COG5: variants seen among roughly 807,000 people sequenced by gnomAD.
The protein encoded by COG5 is conserved oligomeric Golgi complex subunit 5.
A neutral mutation model predicts 110.4 loss-of-function variants in COG5; 86 were observed. That is an observed-to-expected ratio of 0.78 (90% CI 0.65 to 0.93). The LOEUF (loss-of-function observed/expected upper bound fraction) is 0.93. Ranked by LOEUF, COG5 falls within the 40% of genes least tolerant of loss-of-function variation. COG5 has a pLI of 0.00. For missense variants in COG5, 1,077 were observed against 987.0 expected (o/e 1.09, Z -1.22); for synonymous variants, 360 against 334.6 (o/e 1.08, Z -0.83).
intron 19 of COG5, among the ~76,000 whole-genome samples, chr7:107,220,159 G>A (rs576605746): frequency 1.3e-5 from 2 of 152,258 alleles, no homozygotes; most frequent in Admixed American, 6.5e-5. Flanking sequence ...CCTATTTCTA[G>A]AACAGCTATG....
chr7:107,434,725 C>G (rs1184775803), intron 6 of COG5, among the ~76,000 whole-genome samples: 1 of 152,124 alleles, frequency 6.6e-6, no homozygotes, highest in Non-Finnish European at 1.5e-5. Context: ...AATCCCAGCA[C>G]TTTGGGAGGC....
intron 15 of COG5, among the ~76,000 whole-genome samples, 172 bp downstream of exon 15, chr7:107,258,101 G>A (rs1372243512): frequency 1.3e-5 from 2 of 152,082 alleles, no homozygotes; most frequent in African/African-American, 4.8e-5. Flanking sequence ...TACAAACAAC[G>A]AAGGCCAGAG....
chr7:107,543,570 C>G (rs1802206592), intron 5 of COG5, among the ~76,000 whole-genome samples: 1 of 151,948 alleles, frequency 6.6e-6, no homozygotes, highest in Non-Finnish European at 1.5e-5. Flanking sequence ...CAGCACCAGG[C>G]AACCCTGCAT....
At chr7:107,252,193 C>T (rs1285951578) in intron 16 of COG5, among the ~76,000 whole-genome samples, 1 of 152,094 alleles carries the variant, frequency 6.6e-6, no homozygotes, top group Non-Finnish European at 1.5e-5. Context: ...TGAATAGCCA[C>T]TGCACTCCAG....
rs529467090 is a variant in COG5 at position 107,523,674 on chromosome 7, G to A, written c.538+3563C>T. 2.0e-5 allele frequency among the ~76,000 whole-genome samples: 3 copies of A among 152,208 alleles called. No individual in the cohort carries two copies. In the East Asian group the frequency reaches 5.8e-4, roughly 29 times the overall value. Reference sequence around the variant, plus strand: ...TACTAAATATACAAAAATTAGCCGGGCATGGTGGTGGGCGCCTGTAATTCC... The same window carrying A: ...TACTAAATATACAAAAATTAGCCGGACATGGTGGTGGGCGCCTGTAATTCC... On this transcript the variant is annotated intron_variant, in intron 6 of 21. Transcript: ENST00000297135.
intron 10 of COG5, among the ~76,000 whole-genome samples, chr7:107,340,438 A>C (rs1022865497): frequency 2.0e-5 from 3 of 152,182 alleles, no homozygotes; most frequent in African/African-American, 7.2e-5. Context: ...GAATTCTACC[A>C]GACATAAAAA....
rs200301129 is a variant in COG5 at position 107,563,849 on chromosome 7, T to G, written c.48A>C (p.Arg16=). 9.9e-6 allele frequency: 16 copies of G among 1,613,708 alleles called. No homozygotes were observed. The East Asian group carries it at 3.6e-4, about 36-fold the overall frequency. The change falls in exon 1 of 22, where the codon CGA becomes CGC. Residue 16 remains arginine (R), a synonymous_variant. Transcript: ENST00000297135. The part of the protein sequence containing the change: ...GSVAVAGLGA[R]GSGAAAATVR... ...CTGTAGCTGCAGCCGCTCCAGAGCC[T>G]CGAGCTCCGAGGCCAGCTACAGCGA...
At position 107,372,734 on chromosome 7, in the gene COG5, AAG is replaced by A. The variant is rs1814292964; in HGVS notation, c.694_695del (p.Leu232SerfsTer5). On this transcript the variant is annotated frameshift_variant, in exon 8 of 22. Coordinates refer to ENST00000297135, the MANE Select transcript of COG5 (RefSeq NM_006348.5). LOFTEE classifies it high-confidence loss of function. Reference protein sequence around the residue: ...TQNPTQVGTALQVFYNLGTLK... With the variant: ...TQNPTQVGTAXQVFYNLGTLK... ...AAGTTCCAAGATTATAGAAAACCTG[AAG>A]AGCTGTTCCGACTTGAGTTGGATTC... The A allele has an allele frequency of 2.5e-6, 4 of 1,613,688 alleles. No homozygotes were observed. Among genetic ancestry groups the A allele is most frequent in the Non-Finnish European group, 3.4e-6 (4 of 1,179,774 alleles).
chr7:107,474,807 G>T lies in COG5; in HGVS notation c.538+52430C>A. On this transcript the variant is annotated intron_variant, in intron 6 of 21. Coordinates refer to ENST00000297135, the MANE Select transcript of COG5 (RefSeq NM_006348.5). This position sits in a 1 kb window ranked among gnomAD's most constrained non-coding sequence, Gnocchi z 5.7. ...GAATAGGCACAAGATTTTCAACAGG[G>T]CAGAAGAAGAAAGCAAGAAAGAAAA... is the stretch of plus-strand genomic sequence containing the variant. 6.2e-7 allele frequency: 1 copy of T among 1,612,778 alleles called. No individual in the cohort carries two copies. The highest frequency in any genetic ancestry group is 1.7e-5 in the Admixed American group (1 of 59,770).
chr7:107,218,086 T>G (rs1799650838), intron 19 of COG5, among the ~76,000 whole-genome samples: 1 of 152,000 alleles, frequency 6.6e-6, no homozygotes. Context: ...AATACCTACA[T>G]ATAATAGCTA....
chr7:107,498,108 C>G (rs1798393073), intron 6 of COG5, among the ~76,000 whole-genome samples: 1 of 152,132 alleles, frequency 6.6e-6, no homozygotes, highest in African/African-American at 2.4e-5. Context: ...GACCCTTAGT[C>G]TTACACCATA....
intron 10 of COG5, among the ~76,000 whole-genome samples, chr7:107,334,387 A>C (rs1418807233): frequency 6.6e-6 from 1 of 152,202 alleles, no homozygotes; most frequent in African/African-American, 2.4e-5. Flanking sequence ...AAGATTATAA[A>C]AAAAACTTCC....
At chr7:107,324,998 T>C (rs1809641921) in intron 10 of COG5, among the ~76,000 whole-genome samples, 1 of 152,144 alleles carries the variant, frequency 6.6e-6, no homozygotes, top group Admixed American at 6.5e-5. Flanking sequence ...AAAGCCTGCT[T>C]ACAACATGCT....
chr7:107,481,639 C>T lies in COG5; in HGVS notation c.538+45598G>A, dbSNP rs112032552. Among the ~76,000 whole-genome samples, 1,234 of 152,186 alleles carry T rather than the reference C, an allele frequency of 8.1e-3. 6 individuals are homozygous for T. Among genetic ancestry groups the T allele is most frequent in the Non-Finnish European group, 0.015 (989 of 67,998 alleles). ...ATTTCATCCAAAATATTGCTAATGC[C>T]TTAGGACAGGTTGAAATATAAAATA... On this transcript the variant is annotated intron_variant, in intron 6 of 21. Transcript: ENST00000297135.
intron 19 of COG5, among the ~76,000 whole-genome samples, chr7:107,218,529 G>C (rs978005052): frequency 1.3e-5 from 2 of 152,046 alleles, no homozygotes; most frequent in Non-Finnish European, 2.9e-5. Context: ...ACAGAACATA[G>C]AGCCCATAAA....
chr7:107,420,798 C>G (rs184114085), intron 6 of COG5, among the ~76,000 whole-genome samples: 1 of 152,126 alleles, frequency 6.6e-6, no homozygotes, highest in South Asian at 2.1e-4. Context: ...TTAATTGATA[C>G]CATCACATAA....
chr7:107,290,639 G>C (rs1562953216), intron 12 of COG5, among the ~76,000 whole-genome samples: 1 of 152,094 alleles, frequency 6.6e-6, no homozygotes, highest in Non-Finnish European at 1.5e-5. Context: ...TTAAATCAAG[G>C]AAAGTATTTT....
intron 7 of COG5, among the ~76,000 whole-genome samples, chr7:107,392,475 G>A (rs1584765886): frequency 6.6e-6 from 1 of 151,964 alleles, no homozygotes; most frequent in African/African-American, 2.4e-5. Context: ...TTTTAAAGTT[G>A]ATGTTTTTTC....
chr7:107,325,919 A>G (rs1420967890), intron 10 of COG5, among the ~76,000 whole-genome samples: 1 of 152,188 alleles, frequency 6.6e-6, no homozygotes, highest in East Asian at 1.9e-4. Context: ...TTGATTTCTT[A>G]TGCAACGATC....
Sources: gnomAD v4.1 joint callset for allele counts (sites outside exome capture counted in the v4.1 genomes callset) on GRCh38, gnomAD v4.1.1 for gene constraint, Gnocchi (gnomAD v3.1) non-coding constraint, MANE v1.5 for transcripts, NCBI Gene and HGNC (gene_info 2026-07-23, HGNC 2026-07-21) for gene names.